SCFD2: variants seen among roughly 807,000 people sequenced by gnomAD.
The protein encoded by SCFD2 is sec1 family domain containing 2.
In SCFD2, 54 loss-of-function variants were observed where a neutral mutation model predicts 58.9. The ratio of observed to expected loss-of-function variants is 0.92; its 90% CI spans 0.74 to 1.15. The LOEUF is 1.15. SCFD2 is among the 50% of genes most tolerant of loss of function. The probability of loss-of-function intolerance (pLI) is 0.00; values close to 1 mark genes in which losing one functional copy is unlikely to be tolerated. For missense variants in SCFD2, 805 were observed against 836.6 expected, an observed-to-expected ratio of 0.96 and a Z score of 0.47; for synonymous variants, 321 against 335.9, an observed-to-expected ratio of 0.96 and a Z score of 0.49.
chr4:53,331,636 A>G (rs1402933549), intron 2 of SCFD2, among the ~76,000 whole-genome samples: 2 of 152,212 alleles, frequency 1.3e-5, no homozygotes, highest in Non-Finnish European at 2.9e-5. Flanking sequence ...TGCCCACAGG[A>G]GAAAGAAGGA....
At chr4:53,143,365 A>C (rs550654250) in intron 5 of SCFD2, among the ~76,000 whole-genome samples, 12 of 152,294 alleles carry the variant, frequency 7.9e-5, no homozygotes, top group African/African-American at 2.6e-4. Flanking sequence ...GAATCCCAGC[A>C]CTCTTCCAAG....
intron 4 of SCFD2, among the ~76,000 whole-genome samples, chr4:53,200,242 T>C (rs1202428736): frequency 6.6e-6 from 1 of 152,040 alleles, no homozygotes; most frequent in African/African-American, 2.4e-5. Flanking sequence ...GAGTGAGTGA[T>C]TATTCTGCAC....
intron 5 of SCFD2, among the ~76,000 whole-genome samples, chr4:53,001,786 G>C (rs1721870381): frequency 6.6e-6 from 1 of 152,198 alleles, no homozygotes; most frequent in African/African-American, 2.4e-5. Context: ...CAAGCATTGT[G>C]CTAGATACTT....
chr4:53,018,467 T>C (rs1722266136), intron 5 of SCFD2, among the ~76,000 whole-genome samples: 1 of 152,186 alleles, frequency 6.6e-6, no homozygotes, highest in Non-Finnish European at 1.5e-5. Context: ...GTGACGGCAA[T>C]AATCCAATGT....
At chr4:53,343,507 C>T (rs898793999) in intron 2 of SCFD2, among the ~76,000 whole-genome samples, 2 of 152,178 alleles carry the variant, frequency 1.3e-5, no homozygotes, top group African/African-American at 4.8e-5. Flanking sequence ...GAATCACATC[C>T]AAAGTCCACC....
intron 5 of SCFD2, among the ~76,000 whole-genome samples, chr4:52,937,477 T>C (rs1189910036): frequency 6.6e-6 from 1 of 152,196 alleles, no homozygotes. Context: ...AAGCAGACCA[T>C]CTGCAAGGGG....
At chr4:53,129,741 C>G (rs1294146017) in intron 5 of SCFD2, among the ~76,000 whole-genome samples, 1 of 152,204 alleles carries the variant, frequency 6.6e-6, no homozygotes, top group African/African-American at 2.4e-5. Flanking sequence ...AAATTCAGCA[C>G]CAACATTGTC....
At chr4:52,938,023 G>GAC in intron 5 of SCFD2, among the ~76,000 whole-genome samples, 1 of 152,178 alleles carries the variant, frequency 6.6e-6, no homozygotes, top group East Asian at 1.9e-4. Flanking sequence ...CCTGCCATGT[G>GAC]ACACTGTCCT....
At chr4:53,309,843 T>TAAG (rs1732634838) in intron 3 of SCFD2, among the ~76,000 whole-genome samples, 1 of 152,228 alleles carries the variant, frequency 6.6e-6, no homozygotes, top group South Asian at 2.1e-4. Context: ...AACTATAGCT[T>TAAG]ACTCATTCCA....
At position 53,007,591 on chromosome 4, in the gene SCFD2, A is replaced by G. The variant is rs144629479; in HGVS notation, c.1562-86721T>C. Among the ~76,000 whole-genome samples, 1,118 of 152,288 alleles carry G rather than the reference A, an allele frequency of 7.3e-3. 15 individuals are homozygous for G. Among genetic ancestry groups the G allele is most frequent in the African/African-American group, 0.026 (1,076 of 41,552 alleles). On this transcript the variant is annotated intron_variant, in intron 5 of 8. Coordinates refer to ENST00000401642, the MANE Select transcript of SCFD2 (RefSeq NM_152540.4). The stretch of plus-strand genomic sequence containing the variant: ...ACTTATTATAGGTATGTTCTGGGGC[A>G]ATCTACCTCACTTCTCTATGTGTCA...
At chr4:53,359,696 G>C (rs979414112) in intron 1 of SCFD2, among the ~76,000 whole-genome samples, 8 of 152,164 alleles carry the variant, frequency 5.3e-5, no homozygotes, top group African/African-American at 1.7e-4. Flanking sequence ...CCAAACTCTT[G>C]TAACAACTAC....
At chr4:52,939,140 A>C (rs1720221492) in intron 5 of SCFD2, among the ~76,000 whole-genome samples, 1 of 152,192 alleles carries the variant, frequency 6.6e-6, no homozygotes, top group Non-Finnish European at 1.5e-5. Flanking sequence ...GTTGTTTGTT[A>C]TTAGCACAAC....
At chr4:53,291,987 T>G (rs1731856663) in intron 3 of SCFD2, among the ~76,000 whole-genome samples, 1 of 151,888 alleles carries the variant, frequency 6.6e-6, no homozygotes, top group Non-Finnish European at 1.5e-5. Context: ...TTCAAAATTT[T>G]TTTAATTTTG....
intron 5 of SCFD2, among the ~76,000 whole-genome samples, chr4:53,006,099 A>G (rs895369933): frequency 6.6e-6 from 1 of 152,150 alleles, no homozygotes. Context: ...AAAGCATGTC[A>G]TGCATCCCTT....
chr4:52,993,515 C>T (rs536247242), intron 5 of SCFD2, among the ~76,000 whole-genome samples: 47 of 152,326 alleles, frequency 3.1e-4, no homozygotes, highest in Non-Finnish European at 5.0e-4. Context: ...TATCTAGAAG[C>T]AGCTCCGCAT....
chr4:53,307,124 C>T (rs562144238), intron 3 of SCFD2, among the ~76,000 whole-genome samples: 2 of 152,310 alleles, frequency 1.3e-5, no homozygotes, highest in Admixed American at 6.5e-5. Flanking sequence ...TCCAGAGGCA[C>T]AGATATAGAG....
intron 4 of SCFD2, among the ~76,000 whole-genome samples, chr4:53,233,396 AC>A (rs1729499493): frequency 6.6e-6 from 1 of 152,154 alleles, no homozygotes; most frequent in Non-Finnish European, 1.5e-5. Context: ...CAAAATGAAG[AC>A]CCACCCATAT....
At position 52,950,436 on chromosome 4, in the gene SCFD2, G is replaced by C. The variant is rs576138934; in HGVS notation, c.1562-29566C>G. ...GCCCTGCCCCCTAGCCATCTCTGCA[G>C]CAAAGCCCTGGGGGAGAGAGAGAGA... On this transcript the variant is annotated intron_variant, in intron 5 of 8. Transcript: ENST00000401642. The C allele has an allele frequency of 2.6e-5, 4 of 152,316 alleles. No individual in the cohort carries two copies. In the South Asian group the frequency reaches 8.3e-4, roughly 32 times the overall value. The allele number at this position is 152,316 out of a possible 1,614,324, so 9.4% of individuals were successfully genotyped here.
chr4:53,238,604 C>CG (rs1481101837), intron 4 of SCFD2, among the ~76,000 whole-genome samples: 2 of 149,476 alleles, frequency 1.3e-5, no homozygotes, highest in African/African-American at 2.5e-5. Flanking sequence ...ACTTCCCAGA[C>CG]GGGGCGGCTG....
Sources: allele counts gnomAD v4.1 joint callset (sites outside exome capture counted in the v4.1 genomes callset), GRCh38; gene constraint gnomAD v4.1.1; transcripts MANE v1.5; gene names NCBI Gene and HGNC (gene_info 2026-07-23, HGNC 2026-07-21).